FAM20A: variants seen among roughly 807,000 people sequenced by gnomAD.
FAM20A encodes the protein pseudokinase FAM20A.
A neutral mutation model predicts 52.0 loss-of-function variants in FAM20A; 42 were observed. That is an observed-to-expected ratio of 0.81 (90% CI 0.63 to 1.04). The LOEUF is 1.04. Ranked by LOEUF, FAM20A falls within the 50% of genes least tolerant of loss-of-function variation. The probability of loss-of-function intolerance (pLI) is 0.00; values close to 1 mark genes in which losing one functional copy is unlikely to be tolerated. For missense variants in FAM20A, 742 were observed against 712.7 expected (o/e 1.04, Z -0.47); for synonymous variants, 304 against 298.9 (o/e 1.02, Z -0.18).
At chr17:68,564,630 C>G (rs530110787) in intron 1 of FAM20A, among the ~76,000 whole-genome samples, 3 of 152,270 alleles carry the variant, frequency 2.0e-5, no homozygotes, top group African/African-American at 7.2e-5. Context: ...GGTGTGCAGA[C>G]TAAGCAATAG....
rs2086254648 is a variant in FAM20A at position 68,540,841 on chromosome 17, G to A, written c.1219+8C>T. On this transcript the variant is annotated splice_region_variant and intron_variant, in intron 8 of 10. Transcript: ENST00000592554. ...ACTTCTGCTGGGGGCCTGCGTGTGG[G>A]GACCTACCTATCAAGAAGTCGAAGA... 1.9e-6 allele frequency: 3 copies of A among 1,591,462 alleles called. No individual in the cohort carries two copies. The highest frequency in any genetic ancestry group is 1.3e-5 in the African/African-American group (1 of 74,630).
intron 5 of FAM20A, 96 bp from the exon 6 acceptor site, chr17:68,542,905 G>T (rs757671191): frequency 4.2e-6 from 4 of 952,608 alleles, no homozygotes; most frequent in South Asian, 1.3e-5. Flanking sequence ...GAATTGGCTG[G>T]TGTACCCAGG....
At chr17:68,574,528 A>G (rs2087671272) in intron 1 of FAM20A, among the ~76,000 whole-genome samples, 1 of 152,202 alleles carries the variant, frequency 6.6e-6, no homozygotes, top group African/African-American at 2.4e-5. Context: ...ACATTGCCAC[A>G]TTGGAGATTA....
In FAM20A at chr17:68,537,777, A is replaced by G. The variant is rs761314241; in HGVS notation, c.1362-36T>C. 27 of 1,587,950 alleles carry G rather than the reference A, an allele frequency of 1.7e-5. No individual in the cohort carries two copies. In the East Asian group the frequency reaches 6.2e-4, roughly 36 times the overall value. ...AAAGTTACAGGAACCAAATAAGCAA[A>G]TGTAAAGAAAATAACTTGCCTGAAC... On this transcript the variant is annotated intron_variant, in intron 10 of 10. Transcript: ENST00000592554. The surrounding 1 kb of genome is among the most constrained non-coding windows in gnomAD (Gnocchi z 4.2).
chr17:68,551,947 C>A lies in FAM20A; in HGVS notation c.645G>T (p.Val215=). 1 of 1,582,750 alleles carries A rather than the reference C, an allele frequency of 6.3e-7. No individual in the cohort carries two copies. Among genetic ancestry groups the A allele is most frequent in the Non-Finnish European group, 8.6e-7 (1 of 1,162,106 alleles). ...LLGACDCTQI[V]KPSGVHLKLV... The stretch of plus-strand genomic sequence containing the variant: ...GCTTGAGGTGGACCCCACTGGGTTT[C>A]ACAACTGTGAAAGGCAGAAGGGTGA... Residue 215 remains valine, a synonymous_variant, in exon 4 of 11, where the codon GTG becomes GTT. Transcript: ENST00000592554.
chr17:68,550,756 T>G (rs1474696491), intron 4 of FAM20A, among the ~76,000 whole-genome samples: 1 of 152,136 alleles, frequency 6.6e-6, no homozygotes, highest in African/African-American at 2.4e-5. Flanking sequence ...CCAGAGCTAG[T>G]CCACTGGACT....
Position 68,537,553 on chromosome 17 carries a change from C to T in FAM20A, c.1550G>A (p.Gly517Glu). Residue 517 changes from glycine (G) to glutamate (E), a missense_variant, in exon 11 of 11, where the codon GGA becomes GAA. By Grantham distance (98) the Gly-to-Glu change is moderately conservative (BLOSUM62 -2). Transcript: ENST00000592554. The surrounding 1 kb of genome is among the most constrained non-coding windows in gnomAD (Gnocchi z 4.2). ...GCCGTCGACTATGACACTCTGCTGT[C>T]CATGGGCCACTATGCACCCCTCCAC... is the stretch of plus-strand genomic sequence containing the variant. ...RTVEGCIVAH[G>E]QQSVIVDGPV... 6.2e-7 allele frequency: 1 copy of T among 1,613,634 alleles called. No individual in the cohort carries two copies. The highest frequency in any genetic ancestry group is 1.1e-5 in the South Asian group (1 of 90,976).
chr17:68,544,383 G>GTT (rs1420747941), intron 4 of FAM20A, among the ~76,000 whole-genome samples: 1 of 152,162 alleles, frequency 6.6e-6, no homozygotes, highest in Non-Finnish European at 1.5e-5. Context: ...CCTGCTGGGT[G>GTT]TGTACATTCA....
intron 7 of FAM20A, 72 bp downstream of exon 7, chr17:68,541,913 G>C: frequency 6.6e-7 from 1 of 1,523,146 alleles, no homozygotes; most frequent in Non-Finnish European, 8.9e-7. Flanking sequence ...AGCCAAGCTA[G>C]CAACAAGTCC....
At chr17:68,584,353 A>AAACAAAAC (rs1491017151) in intron 1 of FAM20A, among the ~76,000 whole-genome samples, 3 of 121,194 alleles carry the variant, frequency 2.5e-5, no homozygotes, top group Non-Finnish European at 3.9e-5. Context: ...AAAACAAAAA[A>AAACAAAAC]AAAACCCAAA....
At chr17:68,541,038 C>CCCCCAATCCCTGCCT in intron 7 of FAM20A, 80 bp from the exon 8 acceptor site, 1 of 1,543,188 alleles carries the variant, frequency 6.5e-7, no homozygotes. Context: ...TCCCCCTGCC[C>CCCCCAATCCCTGCCT]CCCCAATCCC....
intron 3 of FAM20A, 100 bp from the exon 4 acceptor site, chr17:68,552,051 T>C: frequency 1.3e-6 from 1 of 757,224 alleles, no homozygotes; most frequent in Non-Finnish European, 2.3e-6. Context: ...GCTTTCCTCT[T>C]ATGTAATGAG....
intron 1 of FAM20A, among the ~76,000 whole-genome samples, chr17:68,584,332 CAAAACAAAACAAAACAA>C (rs1287500855): frequency 8.0e-5 from 4 of 50,182 alleles, no homozygotes; most frequent in Non-Finnish European, 1.4e-4. Flanking sequence ...CAAAACAAAA[CAAAACAAAACAAAACAA>C]AAAAAAAACC....
chr17:68,572,256 C>T (rs2087585446), intron 1 of FAM20A, among the ~76,000 whole-genome samples: 2 of 151,636 alleles, frequency 1.3e-5, no homozygotes, highest in Non-Finnish European at 2.9e-5. Context: ...TAACCTGGCT[C>T]CCTTCTCAAC....
At chr17:68,583,624 AGAT>A (rs1176913516) in intron 1 of FAM20A, among the ~76,000 whole-genome samples, 2 of 152,168 alleles carry the variant, frequency 1.3e-5, no homozygotes, top group Non-Finnish European at 2.9e-5. Flanking sequence ...TAACCACATA[AGAT>A]GATAGTTGGC....
chr17:68,595,021 C>T (rs1286858205), intron 1 of FAM20A, among the ~76,000 whole-genome samples: 1 of 152,198 alleles, frequency 6.6e-6, no homozygotes, highest in Non-Finnish European at 1.5e-5. Flanking sequence ...GGAAGGCTGT[C>T]TTGGAATTCC....
chr17:68,549,970 A>C (rs1395813669), intron 4 of FAM20A, among the ~76,000 whole-genome samples: 2 of 152,246 alleles, frequency 1.3e-5, no homozygotes, highest in Non-Finnish European at 1.5e-5. Context: ...CAGTCCTGGC[A>C]TAGTTAGCCA....
intron 1 of FAM20A, among the ~76,000 whole-genome samples, chr17:68,581,416 T>TTC (rs1303963270): frequency 0.01 from 1,231 of 119,358 alleles, 11 homozygotes; most frequent in African/African-American, 0.016. Flanking sequence ...CTTTCTTTCT[T>TTC]TTTCTCTTTT....
chr17:68,551,059 C>T (rs1350121932), intron 4 of FAM20A: 1 of 1,233,938 alleles, frequency 8.1e-7, no homozygotes, highest in African/African-American at 1.5e-5. Context: ...CGTGGCCCCT[C>T]TTGGGGCGAT....
Sources: gnomAD v4.1 joint callset for allele counts (sites outside exome capture counted in the v4.1 genomes callset) on GRCh38, gnomAD v4.1.1 for gene constraint, Gnocchi (gnomAD v3.1) non-coding constraint, MANE v1.5 for transcripts, NCBI Gene and HGNC (gene_info 2026-07-23, HGNC 2026-07-21) for gene names.